MYH11: variants seen among roughly 807,000 people sequenced by gnomAD.
The protein encoded by MYH11 is myosin heavy chain 11.
In MYH11, 80 loss-of-function variants were observed where a neutral mutation model predicts 246.6. The ratio of observed to expected loss-of-function variants is 0.32; its 90% confidence interval spans 0.27 to 0.39. The LOEUF (loss-of-function observed/expected upper bound fraction) is 0.39. Ranked by LOEUF, MYH11 falls within the 10% of genes least tolerant of loss-of-function variation. The probability of loss-of-function intolerance (pLI) is 1.00; values close to 1 mark genes in which losing one functional copy is unlikely to be tolerated. For missense variants in MYH11, 2,158 were observed against 2,546.8 expected, an observed-to-expected ratio of 0.85 and a Z score of 3.29; for synonymous variants, 1,071 against 1,015.5, an observed-to-expected ratio of 1.05 and a Z score of -1.04.
intron 35 of MYH11, 55 bp from the exon 36 acceptor site, chr16:15,719,363 A>G (rs1474148665): frequency 6.3e-6 from 10 of 1,579,396 alleles, no homozygotes; most frequent in Middle Eastern, 1.7e-4. Context: ...AGCCCCACCA[A>G]GAGTCCACCC....
At chr16:15,811,296 A>G (rs1481525056) in intron 3 of MYH11, among the ~76,000 whole-genome samples, 1 of 152,226 alleles carries the variant, frequency 6.6e-6, no homozygotes, top group Non-Finnish European at 1.5e-5. Flanking sequence ...CACAAGGCCT[A>G]TGCTAGTCCC....
In MYH11 at chr16:15,738,632, C is replaced by G; in HGVS notation, c.3054G>C (p.Glu1018Asp). 1 of 1,614,058 alleles carries G rather than the reference C, an allele frequency of 6.2e-7. No homozygotes were observed. The highest frequency in any genetic ancestry group is 2.2e-5 in the East Asian group (1 of 44,862). Residue 1018 changes from glutamate to aspartate, a missense_variant, in exon 24 of 41, where the codon GAG becomes GAC. Around this residue, in one of 11 missense-constraint regions of MYH11, gnomAD observed 284 missense variants for 315.4 expected, o/e 0.90. Coordinates refer to ENST00000300036, the MANE Select transcript of MYH11 (RefSeq NM_002474.3). ...ISDLTTNLAEEEEKAKNLTKL... is the reference protein window; with the variant it reads ...ISDLTTNLAEDEEKAKNLTKL... Reference sequence around the variant, plus strand: ...TGGTAAGATTCTTGGCCTTTTCTTCCTCTTCTGCAAGATTTGTCGTTAAGT... The same window carrying G: ...TGGTAAGATTCTTGGCCTTTTCTTCGTCTTCTGCAAGATTTGTCGTTAAGT...
chr16:15,715,339 C>A, intron 38 of MYH11, 67 bp from the exon 39 acceptor site: 1 of 1,501,836 alleles, frequency 6.7e-7, no homozygotes. Flanking sequence ...GGTGTGTCAC[C>A]TGGAGGTGGC....
intron 28 of MYH11, chr16:15,725,480 A>G (rs971551723): frequency 2.3e-6 from 1 of 428,316 alleles, no homozygotes; most frequent in Admixed American, 3.8e-5. Context: ...GGCCAAAGCC[A>G]GAGACGCAGG....
chr16:15,856,147 C>T (rs543288144), intron 1 of MYH11, among the ~76,000 whole-genome samples: 76 of 151,548 alleles, frequency 5.0e-4, no homozygotes, highest in South Asian at 1.7e-3. Context: ...ACCTGCAGAT[C>T]GTGGAAGCAA....
chr16:15,800,080 G>A (rs1015333177), intron 3 of MYH11, among the ~76,000 whole-genome samples: 2 of 150,764 alleles, frequency 1.3e-5, no homozygotes, highest in Non-Finnish European at 3.0e-5. Context: ...AAGCAGATGA[G>A]TAGGTGAGTA....
At chr16:15,793,116 ACCACCCTCCT>A (rs2042654372) in intron 4 of MYH11, among the ~76,000 whole-genome samples, 1 of 151,938 alleles carries the variant, frequency 6.6e-6, no homozygotes, top group African/African-American at 2.4e-5. Context: ...TTTATGTGAA[ACCACCCTCCT>A]CCTCTTACTT....
rs967311526 is a variant in MYH11 at position 15,822,976 on chromosome 16, T to A, written c.502+279A>T. Among the ~76,000 whole-genome samples the A allele has an allele frequency of 6.6e-5, 10 of 152,228 alleles. No individual in the cohort carries two copies. The East Asian group carries it at 1.9e-3, about 29-fold the overall frequency. ...AGGGCTGTTCCCCACCCTCTTTCCA[T>A]CCTTTGCAGACAGCTGGCCCGACGG... On this transcript the variant is annotated intron_variant, in intron 3 of 40. Coordinates refer to ENST00000300036, the MANE Select transcript of MYH11 (RefSeq NM_002474.3).
intron 4 of MYH11, among the ~76,000 whole-genome samples, chr16:15,798,267 A>G (rs918046064): frequency 5.3e-5 from 8 of 152,228 alleles, no homozygotes; most frequent in Non-Finnish European, 7.3e-5. Context: ...ATAAATGTGA[A>G]ATACTAAAGT....
chr16:15,759,665 T>C lies in MYH11; in HGVS notation c.1312A>G (p.Thr438Ala). The change falls in exon 12 of 41, where the codon ACC becomes GCC. Residue 438 changes from threonine (T) to alanine (A), a missense_variant. Around this residue, in one of 11 missense-constraint regions of MYH11, gnomAD observed 317 missense variants for 507.7 expected, o/e 0.62. Transcript: ENST00000300036. The stretch of plus-strand genomic sequence containing the variant: ...TTGTCCAGGGCTTTGTTCACGCGGG[T>C]GAGTATCCAGCGGAAAAGGCGCTCA... ...TYERLFRWIL[T>A]RVNKALDKTH... The C allele has an allele frequency of 6.2e-7, 1 of 1,613,982 alleles. No homozygotes were observed. Among genetic ancestry groups the C allele is most frequent in the Non-Finnish European group, 8.5e-7 (1 of 1,180,014 alleles).
chr16:15,726,741 ACTTGC>A (rs923166258), intron 28 of MYH11, 102 bp downstream of exon 28: 7 of 1,293,500 alleles, frequency 5.4e-6, no homozygotes, highest in African/African-American at 4.4e-5. Flanking sequence ...AGAGGAAAGG[ACTTGC>A]CTTGCAGCAA....
At position 15,778,780 on chromosome 16, in the gene MYH11, A is replaced by T; in HGVS notation, c.790T>A (p.Tyr264Asn). The T allele has an allele frequency of 6.2e-7, 1 of 1,614,078 alleles. No homozygotes were observed. The highest frequency in any genetic ancestry group is 8.5e-7 in the Non-Finnish European group (1 of 1,179,976). The part of the protein sequence containing the change: ...GYIVGANIET[Y>N]LLEKSRAIRQ... ...TGGCCCAGGCTCAGGGAAAGGATACAGGTCTCAATGTTGGCTCCCACGATG... is the reference window on the plus strand; with the variant it reads ...TGGCCCAGGCTCAGGGAAAGGATACTGGTCTCAATGTTGGCTCCCACGATG... Residue 264 changes from tyrosine (Y) to asparagine (N), a missense_variant and splice_region_variant, in exon 7 of 41, where the codon TAT (tyrosine) becomes AAT (asparagine). Transcript: ENST00000300036.
chr16:15,849,465 A>G (rs1476400240), intron 1 of MYH11, among the ~76,000 whole-genome samples: 4 of 152,040 alleles, frequency 2.6e-5, no homozygotes, highest in African/African-American at 9.7e-5. Flanking sequence ...TTTTTGAGAC[A>G]GGGTCTGGCT....
At chr16:15,814,291 G>T (rs1345703268) in intron 3 of MYH11, among the ~76,000 whole-genome samples, 1 of 151,966 alleles carries the variant, frequency 6.6e-6, no homozygotes, top group East Asian at 1.9e-4. Context: ...CGTGGCTCAC[G>T]CCTGTAATCC....
Position 15,704,079 on chromosome 16 carries a change from C to T in MYH11, c.5831G>A (p.Gly1944Glu). 2.5e-6 allele frequency: 4 copies of T among 1,614,170 alleles called. No individual in the cohort carries two copies. The highest frequency in any genetic ancestry group is 1.1e-5 in the South Asian group (1 of 91,086). ...ATCTGCATTTTCAATAACTCTACGT[C>T]CTCCAGACCTTCTAGAAGGAACGAA... ...TSFVPSRRSG[G>E]RRVIENADGS... The change falls in exon 41 of 41, where the codon GGA becomes GAA. Residue 1944 changes from glycine to glutamate, a missense_variant. Physicochemically the swap from Gly to Glu is moderately conservative, Grantham distance 98 (BLOSUM62 -2). Around this residue, in one of 11 missense-constraint regions of MYH11, gnomAD observed 1,013 missense variants for 993.5 expected, o/e 1.02. Coordinates refer to ENST00000300036, the MANE Select transcript of MYH11 (RefSeq NM_002474.3).
chr16:15,756,947 T>C (rs955168918), intron 13 of MYH11, among the ~76,000 whole-genome samples: 1 of 150,586 alleles, frequency 6.6e-6, no homozygotes, highest in Non-Finnish European at 1.5e-5. Context: ...TACAGGCGCC[T>C]GCCACGGCGC....
chr16:15,735,246 G>A (rs776084298), intron 26 of MYH11, 120 bp downstream of exon 26: 55 of 1,086,242 alleles, frequency 5.1e-5, no homozygotes, highest in African/African-American at 3.3e-4. Context: ...AGCAAACCGC[G>A]GCCAGGAAGG....
At chr16:15,782,257 T>C (rs1162118164) in intron 6 of MYH11, 128 bp downstream of exon 6, 9 of 773,662 alleles carry the variant, frequency 1.2e-5, no homozygotes, top group Non-Finnish European at 2.1e-5. Flanking sequence ...CCTTGCAAGA[T>C]TGTGAGATAC....
intron 28 of MYH11, chr16:15,726,006 GTCTC>G (rs752697366): frequency 5.3e-5 from 15 of 284,814 alleles, no homozygotes; most frequent in African/African-American, 2.6e-4. Context: ...CTGGCTGTAT[GTCTC>G]TCTCCTAATT....
Sources: gnomAD v4.1 joint callset for allele counts (sites outside exome capture counted in the v4.1 genomes callset) on GRCh38, gnomAD v4.1.1 for gene constraint, gnomAD v4.1.1 regional missense constraint, MANE v1.5 for transcripts, NCBI Gene and HGNC (gene_info 2026-07-23, HGNC 2026-07-21) for gene names.